Variants in TECPR1 observed in about 807,000 individuals in gnomAD.
TECPR1 encodes the protein tectonin beta-propeller repeat containing 1.
Under a neutral mutation model 162.4 loss-of-function variants are expected in TECPR1, and 122 were observed. That is an observed-to-expected ratio of 0.75 (90% CI 0.65 to 0.87). The LOEUF is 0.87. Ranked by LOEUF, TECPR1 falls within the 40% of genes least tolerant of loss-of-function variation. The pLI is 0.00. For missense variants in TECPR1, 1,432 were observed against 1,618.2 expected, an observed-to-expected ratio of 0.88 and a Z score of 1.97; for synonymous variants, 642 against 670.6, an observed-to-expected ratio of 0.96 and a Z score of 0.66.
intron 8 of TECPR1, among the ~76,000 whole-genome samples, chr7:98,239,208 G>A (rs925936108): frequency 1.3e-5 from 2 of 152,186 alleles, no homozygotes; most frequent in Non-Finnish European, 2.9e-5. Context: ...ATGGTGGCCT[G>A]GGAGGCCCCG....
At chr7:98,221,636 A>G in intron 23 of TECPR1, 25 bp downstream of exon 23, 2 of 1,609,748 alleles carry the variant, frequency 1.2e-6, no homozygotes, top group Non-Finnish European at 1.7e-6. Context: ...CAAAACATTA[A>G]AAATTTAAAA....
rs542095069 is a variant in TECPR1 at position 98,251,378 on chromosome 7, C to T, written c.-20+16G>A. 6.6e-6 allele frequency: 1 copy of T among 152,152 alleles called. No individual in the cohort carries two copies. The highest frequency in any genetic ancestry group is 1.5e-5 in the Non-Finnish European group (1 of 68,042). 9.4% of individuals were successfully genotyped at this position (152,152 alleles called of 1,614,324 possible). A position where few individuals can be genotyped will look rare whatever the true frequency, so the allele number is the denominator to read the frequency against. Reference sequence around the variant, plus strand: ...AGGAAAAGACACAGTACAAAGAACGCTCCGCAAGCACTTACTTCCTCTGAG... The same window carrying T: ...AGGAAAAGACACAGTACAAAGAACGTTCCGCAAGCACTTACTTCCTCTGAG... On this transcript the variant is annotated intron_variant, in intron 2 of 25. Coordinates refer to ENST00000447648, the MANE Select transcript of TECPR1 (RefSeq NM_015395.3).
At chr7:98,226,018 TG>T (rs1798272397) in intron 17 of TECPR1, among the ~76,000 whole-genome samples, 1 of 152,216 alleles carries the variant, frequency 6.6e-6, no homozygotes. Flanking sequence ...AGGGCAGTTC[TG>T]GGGACGGCTG....
rs1427666284 is a variant in TECPR1 at position 98,242,806 on chromosome 7, T to C, written c.657+661A>G. On this transcript the variant is annotated intron_variant, in intron 6 of 25. Transcript: ENST00000447648. Reference sequence around the variant, plus strand: ...ATCCATCCATCCATCCACCCATCCATCCATCCGCACACCCACCCATCTGTC... The same window carrying C: ...ATCCATCCATCCATCCACCCATCCACCCATCCGCACACCCACCCATCTGTC... 3.9e-5 allele frequency among the ~76,000 whole-genome samples: 5 copies of C among 127,458 alleles called. No individual in the cohort carries two copies. In the East Asian group the frequency reaches 1.2e-3, roughly 31 times the overall value. 83.6% of individuals were successfully genotyped at this position (127,458 alleles called of 152,430 possible).
chr7:98,229,487 G>A (rs1798366338), intron 15 of TECPR1, among the ~76,000 whole-genome samples: 1 of 152,184 alleles, frequency 6.6e-6, no homozygotes, highest in African/African-American at 2.4e-5. Context: ...TGTTTCACAG[G>A]GGCCCCTTGG....
intron 17 of TECPR1, among the ~76,000 whole-genome samples, chr7:98,226,100 C>T (rs1158346149): frequency 6.6e-6 from 1 of 152,198 alleles, no homozygotes; most frequent in African/African-American, 2.4e-5. Flanking sequence ...TTTCAGGCCT[C>T]TCTGAGACAG....
rs772738412 is a variant in TECPR1 at position 98,244,686 on chromosome 7, G to A, written c.416C>T (p.Thr139Met). Residue 139 changes from threonine (T) to methionine (M), a missense_variant, in exon 5 of 26, where the codon ACG (threonine) becomes ATG (methionine). Physicochemically the swap from Thr to Met is moderately conservative, Grantham distance 81. Transcript: ENST00000447648. ...GGEPTEKGGW[T>M]YAIDFPATYT... ...GGTGGCGGGAAAGTCGATGGCGTAC[G>A]TCCACCCCTGAAACACCAAGGAAGG... is the stretch of plus-strand genomic sequence containing the variant. The A allele has an allele frequency of 4.3e-6, 7 of 1,610,272 alleles. No individual in the cohort carries two copies. The highest frequency in any genetic ancestry group is 2.2e-5 in the South Asian group (2 of 90,764).
At chr7:98,233,394 GC>G (rs1324688291) in intron 11 of TECPR1, 26 bp downstream of exon 11, 4 of 1,418,730 alleles carry the variant, frequency 2.8e-6, no homozygotes, top group Middle Eastern at 2.2e-4. Flanking sequence ...CCATGTGGAT[GC>G]CCCCAGGCCC....
At position 98,245,955 on chromosome 7, in the gene TECPR1, G is replaced by A. The variant is rs144154600; in HGVS notation, c.192C>T (p.Pro64=). The A allele has an allele frequency of 9.0e-4, 1,440 of 1,605,714 alleles. 13 individuals are homozygous for A. In the African/African-American group the frequency reaches 0.016, roughly 18 times the overall value. The change falls in exon 3 of 26, where the codon CCC becomes CCT. Residue 64 remains proline, a synonymous_variant. Coordinates refer to ENST00000447648, the MANE Select transcript of TECPR1 (RefSeq NM_015395.3). ...VYVYVCASDV[P]IRRREEAYEN... ...CATAGGCCTCCTCTCGGCGGCGGAT[G>A]GGGACATCGCTGGCACACACATACA...
At chr7:98,221,131 G>A (rs1470277344) in intron 23 of TECPR1, among the ~76,000 whole-genome samples, 5 of 151,844 alleles carry the variant, frequency 3.3e-5, no homozygotes, top group Admixed American at 6.6e-5. Context: ...GTGAAACCCC[G>A]CCTCTACTAA....
chr7:98,227,364 CCTGG>C (rs1318487272), intron 17 of TECPR1, among the ~76,000 whole-genome samples: 1 of 150,898 alleles, frequency 6.6e-6, no homozygotes, highest in African/African-American at 2.4e-5. Context: ...TGCACTCCAG[CCTGG>C]GCGACAGGGC....
chr7:98,230,715 G>A (rs577412576), intron 15 of TECPR1, among the ~76,000 whole-genome samples: 2 of 152,130 alleles, frequency 1.3e-5, no homozygotes, highest in African/African-American at 2.4e-5. Flanking sequence ...CATTCCTCCC[G>A]ATGCTCAGAG....
chr7:98,236,473 G>C (rs777196666), intron 10 of TECPR1, among the ~76,000 whole-genome samples: 2 of 151,774 alleles, frequency 1.3e-5, no homozygotes, highest in Non-Finnish European at 2.9e-5. Context: ...GCTCAGGGTC[G>C]AGCCTTACCT....
At position 98,233,692 on chromosome 7, in the gene TECPR1, G is replaced by A; in HGVS notation, c.1401C>T (p.Ser467=). ...GGTGCGTGTTGGGTCTGGCCTCCCTGCTGCCCTCGGCTGGGCAGGCATCTT... is the reference window on the plus strand; with the variant it reads ...GGTGCGTGTTGGGTCTGGCCTCCCTACTGCCCTCGGCTGGGCAGGCATCTT... ...TVEDACPAEG[S]REARPNTHPG... is the part of the protein sequence containing the mutation. Residue 467 remains serine, a synonymous_variant, in exon 11 of 26, where the codon AGC becomes AGT. Transcript: ENST00000447648. The A allele has an allele frequency of 1.2e-6, 2 of 1,609,378 alleles. No homozygotes were observed. The highest frequency in any genetic ancestry group is 1.7e-6 in the Non-Finnish European group (2 of 1,177,502).
At chr7:98,239,098 C>A (rs752698978) in intron 8 of TECPR1, among the ~76,000 whole-genome samples, 1 of 152,232 alleles carries the variant, frequency 6.6e-6, no homozygotes, top group Non-Finnish European at 1.5e-5. Context: ...CACACTCCCA[C>A]TAGATTTTCC....
chr7:98,228,854 C>T (rs1798346840), intron 16 of TECPR1, 185 bp downstream of exon 16: 2 of 772,776 alleles, frequency 2.6e-6, no homozygotes, highest in East Asian at 2.8e-5. Context: ...GCCCTCAGCT[C>T]GAAGTGGGTA....
In TECPR1 at chr7:98,233,550, G is replaced by A; in HGVS notation, c.1543C>T (p.Leu515=). The A allele has an allele frequency of 6.3e-7, 1 of 1,595,322 alleles. No homozygotes were observed. Among genetic ancestry groups the A allele is most frequent in the South Asian group, 1.1e-5 (1 of 88,992 alleles). ...TCCAAGCCCAGTGGGAGGAGCCCCA[G>A]AGAGGAGAGGCTGGTGGTCTCGGGG... ...GFPETTSLSS[L]GLLPLGLEEP... The change falls in exon 11 of 26, where the codon CTG becomes TTG. Residue 515 remains leucine (L), a synonymous_variant. Transcript: ENST00000447648.
chr7:98,232,004 G>A lies in TECPR1; in HGVS notation c.1819-45C>T. On this transcript the variant is annotated intron_variant, in intron 12 of 25. Coordinates refer to ENST00000447648, the MANE Select transcript of TECPR1 (RefSeq NM_015395.3). The surrounding 1 kb of genome is among the most constrained non-coding windows in gnomAD (Gnocchi z 4.6). ...GGACACCATCACAGGCAGGCCCGGG[G>A]TGCCAGGGGAGGAGGGCGGGGCTGG... 6.4e-7 allele frequency: 1 copy of A among 1,556,818 alleles called. No homozygotes were observed. Among genetic ancestry groups the A allele is most frequent in the Non-Finnish European group, 8.7e-7 (1 of 1,153,706 alleles).
intron 23 of TECPR1, 39 bp from the exon 24 acceptor site, chr7:98,218,081 T>G: frequency 6.7e-7 from 1 of 1,498,196 alleles, no homozygotes; most frequent in Non-Finnish European, 9.1e-7. Context: ...GGGAAGACCT[T>G]CCCGGCCCCT....
Sources: allele counts gnomAD v4.1 joint callset (sites outside exome capture counted in the v4.1 genomes callset), GRCh38; gene constraint gnomAD v4.1.1; non-coding constraint Gnocchi (gnomAD v3.1); transcripts MANE v1.5; gene names NCBI Gene and HGNC (gene_info 2026-07-23, HGNC 2026-07-21).